ERCC4: variants seen among roughly 807,000 people sequenced by gnomAD.
ERCC4 encodes the protein DNA repair endonuclease XPF.
ERCC4 carries 65 observed loss-of-function variants against 76.9 expected under a neutral mutation model. The ratio of observed to expected loss-of-function variants is 0.84; its 90% CI spans 0.69 to 1.04. ERCC4 has a LOEUF of 1.04. ERCC4 is among the 50% of genes least tolerant of loss of function. The pLI is 0.00. For missense variants in ERCC4, 1,214 were observed against 1,128.2 expected (o/e 1.08, Z -1.09); for synonymous variants, 463 against 410.1 (o/e 1.13, Z -1.56).
At chr16:13,944,956 G>A (rs188285829) in intron 10 of ERCC4, 121 bp downstream of exon 10, 6 of 668,226 alleles carry the variant, frequency 9.0e-6, no homozygotes, top group African/African-American at 7.2e-5. Flanking sequence ...GTTGGGCCAA[G>A]GAGAGGATGT....
chr16:13,944,719 A>C lies in ERCC4; in HGVS notation c.1905-4A>C. The C allele has an allele frequency of 1.3e-6, 2 of 1,597,898 alleles. No homozygotes were observed. Among genetic ancestry groups the C allele is most frequent in the Non-Finnish European group, 1.7e-6 (2 of 1,165,108 alleles). On this transcript the variant is annotated splice_polypyrimidine_tract_variant and splice_region_variant and intron_variant, in intron 9 of 10. Transcript: ENST00000311895. ...AGAAGTGTTGACAATGTTTTCTCCCACAGGGAAAAAGCAAGCATGGTTGTC... is the reference window on the plus strand; with the variant it reads ...AGAAGTGTTGACAATGTTTTCTCCCCCAGGGAAAAAGCAAGCATGGTTGTC...
intron 10 of ERCC4, among the ~76,000 whole-genome samples, chr16:13,945,741 AAAG>A (rs1475924621): frequency 9.2e-5 from 14 of 152,188 alleles, no homozygotes; most frequent in African/African-American, 3.1e-4. Context: ...TGTCTTGTTC[AAAG>A]AAGATTCTTT....
chr16:13,931,079 CTGTTCTGTA>C lies in ERCC4; in HGVS notation c.973+191_973+199del. On this transcript the variant is annotated intron_variant, in intron 5 of 10. Coordinates refer to ENST00000311895, the MANE Select transcript of ERCC4 (RefSeq NM_005236.3). ...GCTAATGTTTCCGCCTACTTAACGT[CTGTTCTGTA>C]TAATAATAAATATTCATATCCGTTC... is the stretch of plus-strand genomic sequence containing the variant. 3 of 610,848 alleles carry C rather than the reference CTGTTCTGTA, an allele frequency of 4.9e-6. No individual in the cohort carries two copies. In the Admixed American group the frequency reaches 8.3e-5, roughly 17 times the overall value. The allele number at this position is 610,848 out of a possible 1,614,324, so 37.8% of individuals were successfully genotyped here. A position where few individuals can be genotyped will look rare whatever the true frequency, so the allele number is the denominator to read the frequency against.
chr16:13,921,083 G>A (rs1347571063), intron 1 of ERCC4, among the ~76,000 whole-genome samples: 1 of 152,166 alleles, frequency 6.6e-6, no homozygotes, highest in Non-Finnish European at 1.5e-5. Flanking sequence ...GGGGCAGAAG[G>A]AAGGTCCCTG....
intron 9 of ERCC4, 50 bp downstream of exon 9, chr16:13,937,908 T>C (rs1394402858): frequency 1.8e-6 from 2 of 1,124,774 alleles, no homozygotes; most frequent in Admixed American, 1.7e-5. Context: ...TGGAAACCTC[T>C]GGATGGGGGA....
rs1342481905 is a variant in ERCC4, at chr16:13,951,650, A to C, written c.*3303A>C. 3 of 217,886 alleles carry C rather than the reference A, an allele frequency of 1.4e-5. No homozygotes were observed. Among genetic ancestry groups the C allele is most frequent in the Non-Finnish European group, 2.8e-5 (3 of 108,502 alleles). 13.5% of individuals were successfully genotyped at this position (217,886 alleles called of 1,614,324 possible). On this transcript the variant is annotated 3_prime_UTR_variant, in exon 11 of 11. Transcript: ENST00000311895. ...TCAACCCACTAGGATGTGAAGGGTT[A>C]AGTCTAGATTTGGTCGCATTGAAAC...
At chr16:13,921,880 C>A in intron 1 of ERCC4, 151 bp from the exon 2 acceptor site, 1 of 613,106 alleles carries the variant, frequency 1.6e-6, no homozygotes, top group Non-Finnish European at 2.9e-6. Context: ...GACTGGTTGG[C>A]TGAAGTTACT....
At chr16:13,925,960 G>A (rs3136086) in intron 2 of ERCC4, among the ~76,000 whole-genome samples, 1,857 of 152,222 alleles carry the variant, frequency 0.012, 41 homozygotes, top group African/African-American at 0.042. Context: ...ACATGTATAA[G>A]TATGTCGATT....
At chr16:13,937,119 A>G (rs868667337) in intron 8 of ERCC4, among the ~76,000 whole-genome samples, 4 of 134,128 alleles carry the variant, frequency 3.0e-5, no homozygotes, top group Admixed American at 7.8e-5. Context: ...ATGGGGTCTC[A>G]GTATATTACC....
At chr16:13,943,873 A>G (rs31870) in intron 9 of ERCC4, 148,997 of 152,282 alleles carry the variant, frequency 0.98, 72,998 homozygotes, top group African/African-American at 1. Flanking sequence ...TGAAAAATAA[A>G]GCTACCGCAA....
intron 9 of ERCC4, among the ~76,000 whole-genome samples, chr16:13,939,624 C>T (rs937830885): frequency 9.2e-5 from 14 of 151,986 alleles, no homozygotes; most frequent in African/African-American, 2.7e-4. Context: ...TAGGGCTTCA[C>T]GGGCAGTAAG....
intron 8 of ERCC4, among the ~76,000 whole-genome samples, chr16:13,937,361 A>G (rs2032320982): frequency 6.6e-6 from 1 of 152,188 alleles, no homozygotes; most frequent in Non-Finnish European, 1.5e-5. Context: ...AAAAACGTTC[A>G]TAGGCTGGTT....
In ERCC4 at chr16:13,930,815, C is replaced by G; in HGVS notation, c.898C>G (p.Gln300Glu). Residue 300 changes from glutamine to glutamate, a missense_variant, in exon 5 of 11, where the codon CAG (glutamine) becomes GAG (glutamate). Gln to Glu is a conservative substitution (Grantham distance 29). Transcript: ENST00000311895. ...ACGAACTTTGCTGCAGTATCTCTCT[C>G]AGTATGATTGTGTCACATTTCTTAA... ...ILRTLLQYLS[Q>E]YDCVTFLNLL... The G allele has an allele frequency of 1.2e-6, 2 of 1,612,724 alleles. No homozygotes were observed. Among genetic ancestry groups the G allele is most frequent in the Non-Finnish European group, 1.7e-6 (2 of 1,178,764 alleles).
intron 9 of ERCC4, among the ~76,000 whole-genome samples, chr16:13,940,535 C>G (rs1268951592): frequency 6.6e-6 from 1 of 152,194 alleles, no homozygotes; most frequent in Admixed American, 6.5e-5. Context: ...CAGTGTGTGA[C>G]CACACATGCA....
intron 8 of ERCC4, among the ~76,000 whole-genome samples, chr16:13,936,925 T>G (rs539831073): frequency 3.9e-4 from 59 of 149,504 alleles, no homozygotes; most frequent in Non-Finnish European, 7.4e-4. Flanking sequence ...TTTTTTTTTT[T>G]CTTTGAGGCA....
chr16:13,921,529 G>C (rs1251862091), intron 1 of ERCC4, among the ~76,000 whole-genome samples: 1 of 152,172 alleles, frequency 6.6e-6, no homozygotes, highest in African/African-American at 2.4e-5. Flanking sequence ...GCAACACACA[G>C]GGCCTAGTAA....
At chr16:13,931,067 C>T in intron 5 of ERCC4, 177 bp downstream of exon 5, 1 of 627,226 alleles carries the variant, frequency 1.6e-6, no homozygotes, top group Non-Finnish European at 2.8e-6. Context: ...AATGTTTCCG[C>T]CTACTTAACG....
intron 9 of ERCC4, 124 bp downstream of exon 9, chr16:13,937,982 A>T: frequency 1.4e-6 from 1 of 711,660 alleles, no homozygotes; most frequent in Non-Finnish European, 2.5e-6. Flanking sequence ...TCACATTGAG[A>T]TAAACCTGTG....
At chr16:13,937,109 A>G (rs1431951205) in intron 8 of ERCC4, among the ~76,000 whole-genome samples, 1 of 88,650 alleles carries the variant, frequency 1.1e-5, no homozygotes. Context: ...TTTTGTAGAG[A>G]TGGGGTCTCA....
Sources: gnomAD v4.1 joint callset for allele counts (sites outside exome capture counted in the v4.1 genomes callset) on GRCh38, gnomAD v4.1.1 for gene constraint, MANE v1.5 for transcripts, NCBI Gene and HGNC (gene_info 2026-07-23, HGNC 2026-07-21) for gene names.